PDE5A: variants seen among roughly 807,000 people sequenced by gnomAD.
The protein encoded by PDE5A is cGMP-specific 3',5'-cyclic phosphodiesterase.
Under a neutral mutation model 110.2 loss-of-function variants are expected in PDE5A, and 67 were observed. The ratio of observed to expected loss-of-function variants is 0.61; its 90% CI spans 0.50 to 0.75. The LOEUF (loss-of-function observed/expected upper bound fraction) is 0.75. Ranked by LOEUF, PDE5A falls within the 30% of genes least tolerant of loss-of-function variation. The pLI is 0.00. For synonymous variants in PDE5A, 328 were observed against 351.2 expected (o/e 0.93, Z 0.74); for missense variants, 862 against 1,045.1 (o/e 0.82, Z 2.42).
In PDE5A at chr4:119,593,339, A is replaced by C. The variant is rs115031854; in HGVS notation, c.831+3184T>G. 2.2e-3 allele frequency among the ~76,000 whole-genome samples: 330 copies of C among 152,368 alleles called. 2 individuals are homozygous for C. Among genetic ancestry groups the C allele is most frequent in the African/African-American group, 7.7e-3 (319 of 41,590 alleles). ...CTGGAAATAACTGAAATGTTTATCA[A>C]CTGATGAATGCATAAACAAATTGTA... is the stretch of plus-strand genomic sequence containing the variant. On this transcript the variant is annotated intron_variant, in intron 3 of 20. Coordinates refer to ENST00000354960, the MANE Select transcript of PDE5A (RefSeq NM_001083.4).
At chr4:119,527,395 G>A (rs1237207729) in intron 11 of PDE5A, 1 of 152,040 alleles carries the variant, frequency 6.6e-6, no homozygotes, top group Non-Finnish European at 1.5e-5. Flanking sequence ...TCAGAATTCT[G>A]GGATCTATTA....
intron 3 of PDE5A, among the ~76,000 whole-genome samples, chr4:119,596,273 G>A (rs1240313772): frequency 3.3e-5 from 5 of 151,930 alleles, no homozygotes; most frequent in Admixed American, 2.6e-4. Flanking sequence ...ACGCCTTCAG[G>A]AAGAGGGGAG....
intron 4 of PDE5A, 97 bp from the exon 5 acceptor site, chr4:119,565,507 C>A: frequency 1.3e-6 from 1 of 781,876 alleles, no homozygotes; most frequent in South Asian, 1.6e-5. Context: ...GTTAGAAAGC[C>A]AAAAGAATAG....
At chr4:119,527,938 A>C (rs1348500239) in intron 11 of PDE5A, among the ~76,000 whole-genome samples, 1 of 152,134 alleles carries the variant, frequency 6.6e-6, no homozygotes. Flanking sequence ...ATGAGAGCAC[A>C]ATGTCTCTGA....
chr4:119,541,991 C>A (rs1726946398), intron 10 of PDE5A: 1 of 152,376 alleles, frequency 6.6e-6, no homozygotes, highest in Non-Finnish European at 1.5e-5. Flanking sequence ...ACTCTTCCTG[C>A]TTTTCGTTGA....
At position 119,562,854 on chromosome 4, in the gene PDE5A, G is replaced by T. The variant is rs758536618; in HGVS notation, c.1110C>A (p.Phe370Leu). 3 of 1,579,646 alleles carry T rather than the reference G, an allele frequency of 1.9e-6. No individual in the cohort carries two copies. The highest frequency in any genetic ancestry group is 2.4e-5 in the South Asian group (2 of 84,596). Reference protein sequence around the residue: ...SFMQVQKCTIFIVDEDCSDSF... With the variant: ...SFMQVQKCTILIVDEDCSDSF... ...TCACGGAGCAATCTTCATCCACTAT[G>T]AAAATGGTGCATTTCTGCACTTGCA... Residue 370 changes from phenylalanine to leucine, a missense_variant, in exon 6 of 21, where the codon TTC (phenylalanine) becomes TTA (leucine). Transcript: ENST00000354960.
chr4:119,504,675 TA>T (rs992513451), intron 17 of PDE5A, 76 bp from the exon 18 acceptor site: 63 of 1,194,294 alleles, frequency 5.3e-5, no homozygotes, highest in South Asian at 9.5e-5. Flanking sequence ...TAGTTACTAA[TA>T]AAAAAAAGTT....
At chr4:119,619,079 T>C (rs991686061) in intron 1 of PDE5A, among the ~76,000 whole-genome samples, 1 of 152,114 alleles carries the variant, frequency 6.6e-6, no homozygotes, top group African/African-American at 2.4e-5. Flanking sequence ...TTGCAAAGAG[T>C]ATACTAAATT....
chr4:119,604,494 C>G (rs1264840217), intron 2 of PDE5A, among the ~76,000 whole-genome samples: 1 of 152,138 alleles, frequency 6.6e-6, no homozygotes, highest in African/African-American at 2.4e-5. Flanking sequence ...TGGCAGCAAT[C>G]CTTCAGCTGT....
intron 3 of PDE5A, among the ~76,000 whole-genome samples, chr4:119,579,308 A>T (rs1728501927): frequency 6.6e-6 from 1 of 152,202 alleles, no homozygotes; most frequent in Non-Finnish European, 1.5e-5. Flanking sequence ...AGAACTAGAA[A>T]TACCATTTGA....
intron 11 of PDE5A, among the ~76,000 whole-genome samples, chr4:119,536,526 G>A (rs1330527253): frequency 6.6e-6 from 1 of 152,110 alleles, no homozygotes; most frequent in Admixed American, 6.6e-5. Flanking sequence ...TTGAAAAACT[G>A]TTCATCACTT....
At chr4:119,500,300 C>G (rs1023836688) in intron 20 of PDE5A, 6 of 143,462 alleles carry the variant, frequency 4.2e-5, no homozygotes, top group African/African-American at 1.5e-4. Flanking sequence ...CTTTTGGTAT[C>G]TCTCCTTCCT....
intron 3 of PDE5A, among the ~76,000 whole-genome samples, chr4:119,584,593 C>T (rs1045535073): frequency 2.6e-5 from 4 of 152,196 alleles, no homozygotes; most frequent in Non-Finnish European, 5.9e-5. Context: ...AATTATGTGG[C>T]TCTGGGTTAG....
At chr4:119,538,411 A>G (rs904341719) in intron 11 of PDE5A, among the ~76,000 whole-genome samples, 1 of 152,170 alleles carries the variant, frequency 6.6e-6, no homozygotes, top group Non-Finnish European at 1.5e-5. Flanking sequence ...TCAAATTTTC[A>G]TTAATCTCAA....
intron 3 of PDE5A, among the ~76,000 whole-genome samples, chr4:119,588,418 C>A (rs1324299635): frequency 6.6e-6 from 1 of 151,524 alleles, no homozygotes; most frequent in Admixed American, 6.6e-5. Flanking sequence ...CTCGAGTGAT[C>A]CACCCCCCTT....
intron 3 of PDE5A, among the ~76,000 whole-genome samples, chr4:119,584,253 G>A (rs530301877): frequency 6.6e-6 from 1 of 152,222 alleles, no homozygotes; most frequent in Admixed American, 6.5e-5. Flanking sequence ...GGGAGGCAAT[G>A]TAGAGATTTC....
intron 8 of PDE5A, 78 bp downstream of exon 8, chr4:119,553,560 C>G: frequency 1.3e-6 from 1 of 779,470 alleles, no homozygotes; most frequent in Non-Finnish European, 2.3e-6. Context: ...GCCAGTCCTT[C>G]AGTTCAAGAA....
At chr4:119,566,722 T>C (rs1727947370) in intron 4 of PDE5A, among the ~76,000 whole-genome samples, 3 of 152,038 alleles carry the variant, frequency 2.0e-5, no homozygotes, top group Non-Finnish European at 4.4e-5. Context: ...TGGAGCAGTG[T>C]TTTTATGGGG....
At chr4:119,628,487 C>T in intron 1 of PDE5A, 33 bp downstream of exon 1, 1 of 1,510,220 alleles carries the variant, frequency 6.6e-7, no homozygotes, top group Non-Finnish European at 9.0e-7. Context: ...GGAGAGAAAT[C>T]AGCCCCGGGT....
Sources: allele counts gnomAD v4.1 joint callset (sites outside exome capture counted in the v4.1 genomes callset), GRCh38; gene constraint gnomAD v4.1.1; transcripts MANE v1.5; gene names NCBI Gene and HGNC (gene_info 2026-07-23, HGNC 2026-07-21).